Variants in VPS41 observed in about 807,000 individuals in gnomAD.
The protein encoded by VPS41 is VPS41 subunit of HOPS complex.
A neutral mutation model predicts 130.9 loss-of-function variants in VPS41; 85 were observed. That is an observed-to-expected ratio of 0.65 (90% CI 0.55 to 0.78). VPS41 has a LOEUF of 0.78. Ranked by LOEUF, VPS41 falls within the 30% of genes least tolerant of loss-of-function variation. The pLI is 0.00. For synonymous variants in VPS41, 335 were observed against 332.9 expected (o/e 1.01, Z -0.07); for missense variants, 874 against 1,018.7 (o/e 0.86, Z 1.93).
Position 38,795,528 on chromosome 7 carries a change from A to C in VPS41, c.654T>G (p.Tyr218Ter). Residue 218 changes from tyrosine (Y) to a stop codon, truncating the protein, a stop_gained, in exon 9 of 29, where the codon TAT becomes TAG. Transcript: ENST00000310301. LOFTEE classifies it high-confidence loss of function. ...TGTCCTTCCAGCAGAGGCTGCAGGG[A>C]TACATGTCTGGGCGAAGACTTATAT... is the stretch of plus-strand genomic sequence containing the variant. ...RDDISLRPDM[Y>*]PCSLCWKDNV... 6.2e-7 allele frequency: 1 copy of C among 1,613,732 alleles called. No individual in the cohort carries two copies. The highest frequency in any genetic ancestry group is 8.5e-7 in the Non-Finnish European group (1 of 1,179,754).
At chr7:38,858,191 C>T (rs1425864500) in intron 4 of VPS41, among the ~76,000 whole-genome samples, 3 of 152,100 alleles carry the variant, frequency 2.0e-5, no homozygotes, top group African/African-American at 7.2e-5. Context: ...GTAAATTTTC[C>T]CCAAAAGAGA....
At chr7:38,765,128 A>G (rs1377549324) in intron 16 of VPS41, among the ~76,000 whole-genome samples, 2 of 152,242 alleles carry the variant, frequency 1.3e-5, no homozygotes, top group African/African-American at 4.8e-5. Flanking sequence ...TTGTGCACTA[A>G]GTTGAAAGAT....
intron 4 of VPS41, among the ~76,000 whole-genome samples, chr7:38,833,468 T>C (rs1056384555): frequency 1.3e-5 from 2 of 152,198 alleles, no homozygotes; most frequent in Non-Finnish European, 2.9e-5. Flanking sequence ...CCTGGTTCTC[T>C]CTACTCCAGT....
intron 7 of VPS41, among the ~76,000 whole-genome samples, chr7:38,804,920 C>A (rs547785981): frequency 6.6e-6 from 1 of 152,324 alleles, no homozygotes; most frequent in South Asian, 2.1e-4. Flanking sequence ...CTGTTCATAC[C>A]AAACACGTTG....
intron 10 of VPS41, among the ~76,000 whole-genome samples, chr7:38,781,965 T>C (rs1470584378): frequency 2.6e-5 from 4 of 152,230 alleles, no homozygotes; most frequent in Non-Finnish European, 5.9e-5. Flanking sequence ...GGATTTAACG[T>C]TGCTTGCTTT....
chr7:38,876,932 G>GA (rs11433967), intron 2 of VPS41, among the ~76,000 whole-genome samples: 48,711 of 151,898 alleles, frequency 0.32, 8,334 homozygotes, highest in Admixed American at 0.5. Context: ...TAGAAGAGGG[G>GA]AAAAAATGAG....
chr7:38,869,834 C>G (rs917922042), intron 2 of VPS41, among the ~76,000 whole-genome samples: 1 of 151,986 alleles, frequency 6.6e-6, no homozygotes, highest in South Asian at 2.1e-4. Flanking sequence ...ACCATTCAAA[C>G]CACCATAATT....
At chr7:38,754,601 C>T (rs1409611888) in intron 21 of VPS41, 101 bp downstream of exon 21, 2 of 935,294 alleles carry the variant, frequency 2.1e-6, no homozygotes, top group African/African-American at 1.7e-5. Context: ...ATATTAACCT[C>T]CTTGAAGAAT....
chr7:38,830,646 G>A (rs1384148348), intron 4 of VPS41, among the ~76,000 whole-genome samples: 1 of 152,184 alleles, frequency 6.6e-6, no homozygotes, highest in African/African-American at 2.4e-5. Flanking sequence ...AGTAGGCAAA[G>A]GTCAGGGCAG....
rs12701667 is a variant in VPS41 at position 38,782,987 on chromosome 7, A to G, written c.785-6211T>C. 3.4e-3 allele frequency among the ~76,000 whole-genome samples: 518 copies of G among 152,068 alleles called. 1 individual carries two copies. The highest frequency in any genetic ancestry group is 6.8e-3 in the Middle Eastern group (2 of 294). On this transcript the variant is annotated intron_variant, in intron 10 of 28. Coordinates refer to ENST00000310301, the MANE Select transcript of VPS41 (RefSeq NM_014396.4). ...TAAAAATTAGCTGGCAGTGGTGACA[A>G]CGTGCCTGTAGCCCCAGCTACTTGG...
chr7:38,758,610 A>C, intron 17 of VPS41, 129 bp from the exon 18 acceptor site: 2 of 931,764 alleles, frequency 2.1e-6, no homozygotes, highest in Non-Finnish European at 1.6e-6. Flanking sequence ...AGAATCTCTA[A>C]AATGATGTGT....
chr7:38,861,099 G>A (rs1031189741), intron 4 of VPS41, among the ~76,000 whole-genome samples: 2 of 152,046 alleles, frequency 1.3e-5, no homozygotes, highest in South Asian at 2.1e-4. Context: ...GGATATACTC[G>A]ACATAAAACA....
In VPS41 at chr7:38,758,485, A is replaced by C. The variant is rs1181847851; in HGVS notation, c.1423-4T>G. On this transcript the variant is annotated splice_polypyrimidine_tract_variant and splice_region_variant and intron_variant, in intron 17 of 28. Coordinates refer to ENST00000310301, the MANE Select transcript of VPS41 (RefSeq NM_014396.4). Reference sequence around the variant, plus strand: ...CTCGGATCAATGTGGCAAAACCCTAACCAAAGGTGAAAAACAGAAAAAGAA... The same window carrying C: ...CTCGGATCAATGTGGCAAAACCCTACCCAAAGGTGAAAAACAGAAAAAGAA... 3 of 1,603,648 alleles carry C rather than the reference A, an allele frequency of 1.9e-6. No individual in the cohort carries two copies. The highest frequency in any genetic ancestry group is 2.5e-6 in the Non-Finnish European group (3 of 1,177,454).
chr7:38,761,633 C>T (rs1235621704), intron 17 of VPS41, among the ~76,000 whole-genome samples: 1 of 151,734 alleles, frequency 6.6e-6, no homozygotes. Context: ...ACTCCGTCAC[C>T]TAAGCTGGAG....
At chr7:38,873,508 T>TA (rs1416358209) in intron 2 of VPS41, among the ~76,000 whole-genome samples, 1 of 152,128 alleles carries the variant, frequency 6.6e-6, no homozygotes, top group Non-Finnish European at 1.5e-5. Context: ...CCAGTGTTAA[T>TA]AAAAAGCAAA....
chr7:38,869,419 A>T (rs1385284942), intron 2 of VPS41, among the ~76,000 whole-genome samples, 166 bp from the exon 3 acceptor site: 3 of 152,238 alleles, frequency 2.0e-5, no homozygotes, highest in Non-Finnish European at 2.9e-5. Flanking sequence ...GCCTAGGTAT[A>T]TCAATTGCTG....
At chr7:38,867,817 G>T (rs990522929) in intron 3 of VPS41, among the ~76,000 whole-genome samples, 1 of 152,174 alleles carries the variant, frequency 6.6e-6, no homozygotes, top group Non-Finnish European at 1.5e-5. Context: ...GGCTGCACTT[G>T]TCATGAAAGC....
chr7:38,758,245 GA>G, intron 18 of VPS41, 108 bp downstream of exon 18: 1 of 1,033,538 alleles, frequency 9.7e-7, no homozygotes, highest in Non-Finnish European at 1.4e-6. Flanking sequence ...AGGAATGTAG[GA>G]AAATGGTATA....
At chr7:38,801,461 T>C (rs1482554697) in intron 7 of VPS41, among the ~76,000 whole-genome samples, 3 of 152,182 alleles carry the variant, frequency 2.0e-5, no homozygotes, top group African/African-American at 4.8e-5. Context: ...TTATATTTTG[T>C]GGATGAAAAA....
Sources: allele counts gnomAD v4.1 joint callset (sites outside exome capture counted in the v4.1 genomes callset), GRCh38; gene constraint gnomAD v4.1.1; transcripts MANE v1.5; gene names NCBI Gene and HGNC (gene_info 2026-07-23, HGNC 2026-07-21).